The following DDX4 variants were observed in gnomAD, a reference collection of about 807,000 sequenced individuals.
The protein encoded by DDX4 is DEAD-box helicase 4.
A neutral mutation model predicts 100.0 loss-of-function variants in DDX4; 25 were observed. The ratio of observed to expected loss-of-function variants is 0.25; its 90% CI spans 0.18 to 0.35. DDX4 has a LOEUF of 0.35. Ranked by LOEUF, DDX4 falls within the 10% of genes least tolerant of loss-of-function variation. The probability of loss-of-function intolerance (pLI) is 1.00; values close to 1 mark genes in which losing one functional copy is unlikely to be tolerated. For missense variants in DDX4, 635 were observed against 882.4 expected, an observed-to-expected ratio of 0.72 and a Z score of 3.55; for synonymous variants, 259 against 275.7, an observed-to-expected ratio of 0.94 and a Z score of 0.60.
chr5:55,777,075 G>A (rs1047652944), intron 7 of DDX4, among the ~76,000 whole-genome samples: 2 of 152,294 alleles, frequency 1.3e-5, no homozygotes, highest in Middle Eastern at 3.4e-3. Flanking sequence ...AAATCCAATA[G>A]AAGGACAGAG....
chr5:55,792,386 A>G (rs1411157217), intron 16 of DDX4, among the ~76,000 whole-genome samples: 7 of 149,942 alleles, frequency 4.7e-5, no homozygotes, highest in Non-Finnish European at 7.4e-5. Flanking sequence ...TTTGAGACGG[A>G]GTCTCGCTAT....
chr5:55,792,535 A>ATT (rs11445701), intron 16 of DDX4, 106 bp from the exon 17 acceptor site: 902 of 462,078 alleles, frequency 2.0e-3, no homozygotes, highest in Middle Eastern at 3.7e-3. Context: ...AATTTTTTGT[A>ATT]TTTTTTTTTT....
chr5:55,767,773 G>A, intron 6 of DDX4, 108 bp from the exon 7 acceptor site: 2 of 712,030 alleles, frequency 2.8e-6, no homozygotes, highest in Non-Finnish European at 4.5e-6. Context: ...TTTAACTTAT[G>A]AAAATATTTT....
At chr5:55,797,678 T>TA (rs1280014199) in intron 17 of DDX4, among the ~76,000 whole-genome samples, 1 of 152,186 alleles carries the variant, frequency 6.6e-6, no homozygotes, top group Non-Finnish European at 1.5e-5. Context: ...CATTTATCCC[T>TA]AAAAACTCAT....
chr5:55,742,525 T>G (rs1222363762), intron 2 of DDX4, among the ~76,000 whole-genome samples: 1 of 152,152 alleles, frequency 6.6e-6, no homozygotes, highest in Non-Finnish European at 1.5e-5. Flanking sequence ...TATTACAAAA[T>G]TGAAAGTAAG....
chr5:55,766,116 CAT>C (rs1740911842), intron 6 of DDX4, among the ~76,000 whole-genome samples: 1 of 151,912 alleles, frequency 6.6e-6, no homozygotes, highest in South Asian at 2.1e-4. Flanking sequence ...TGCGCCAGGC[CAT>C]ATGTTATTTT....
At chr5:55,769,431 T>C (rs1351417706) in intron 7 of DDX4, among the ~76,000 whole-genome samples, 1 of 152,124 alleles carries the variant, frequency 6.6e-6, no homozygotes, top group Non-Finnish European at 1.5e-5. Context: ...GTTGTAGGTG[T>C]GTGGAATTCC....
At chr5:55,742,275 G>A (rs766427361) in intron 2 of DDX4, 18 of 454,430 alleles carry the variant, frequency 4.0e-5, no homozygotes, top group Non-Finnish European at 6.6e-5. Flanking sequence ...AGATAATTCC[G>A]TTGCTTACTT....
In DDX4 at chr5:55,785,862, A is replaced by G. The variant is rs1416721077; in HGVS notation, c.855A>G (p.Pro285=). 6.2e-7 allele frequency: 1 copy of G among 1,609,286 alleles called. No individual in the cohort carries two copies. Among genetic ancestry groups the G allele is most frequent in the Non-Finnish European group, 8.5e-7 (1 of 1,175,716 alleles). ...LVEVSGHDAP[P]AILTFEEANL... ...AAGTGTCTGGACATGATGCACCACC[A>G]GCAATTCTGGTCAGTGTATTAATTG... is the stretch of plus-strand genomic sequence containing the variant. The change falls in exon 13 of 22, where the codon CCA becomes CCG. Residue 285 remains proline, a synonymous_variant. Transcript: ENST00000505374.
At chr5:55,742,684 T>G (rs1176081761) in intron 2 of DDX4, among the ~76,000 whole-genome samples, 1 of 152,210 alleles carries the variant, frequency 6.6e-6, no homozygotes, top group Non-Finnish European at 1.5e-5. Flanking sequence ...CTAAGTATTT[T>G]AAGAGGTAAG....
chr5:55,759,212 C>G (rs1760139333), intron 3 of DDX4, among the ~76,000 whole-genome samples: 1 of 151,808 alleles, frequency 6.6e-6, no homozygotes, highest in Non-Finnish European at 1.5e-5. Flanking sequence ...GTGTGATTTA[C>G]TTTGTTTTTC....
At chr5:55,778,352 A>G (rs1741700021) in intron 7 of DDX4, among the ~76,000 whole-genome samples, 1 of 152,244 alleles carries the variant, frequency 6.6e-6, no homozygotes, top group Non-Finnish European at 1.5e-5. Context: ...GATAAAATGT[A>G]AAACTTGCTA....
intron 7 of DDX4, among the ~76,000 whole-genome samples, chr5:55,776,918 C>T (rs1327105593): frequency 6.6e-6 from 1 of 152,012 alleles, no homozygotes; most frequent in African/African-American, 2.4e-5. Context: ...TTTAGGGGTT[C>T]CAGAAACAAA....
chr5:55,765,413 A>ATAT (rs1554076987), intron 6 of DDX4, among the ~76,000 whole-genome samples: 2,353 of 82,546 alleles, frequency 0.029, 37 homozygotes, highest in African/African-American at 0.039. Flanking sequence ...AAAAAAAAAA[A>ATAT]ATATATATAT....
At chr5:55,773,906 G>A (rs1357762457) in intron 7 of DDX4, among the ~76,000 whole-genome samples, 5 of 152,108 alleles carry the variant, frequency 3.3e-5, no homozygotes, top group Non-Finnish European at 7.4e-5. Context: ...TTACAAGCAT[G>A]TGTGCCACAG....
In DDX4 at chr5:55,738,943, TGAATAGAAC is replaced by T; in HGVS notation, c.-14-6_-12del. ...CCAAATGTGCATTTTTTTTTTTTTA[TGAATAGAAC>T]TTGAAGCCACCATGGGAGATGAAGA... On this transcript the variant is annotated splice_acceptor_variant and splice_polypyrimidine_tract_variant and 5_prime_UTR_variant and intron_variant, in exon 2 of 22. Coordinates refer to ENST00000505374, the MANE Select transcript of DDX4 (RefSeq NM_024415.3). LOFTEE classifies it low-confidence loss of function (5UTR_SPLICE). 6.7e-7 allele frequency: 1 copy of T among 1,490,550 alleles called. No individual in the cohort carries two copies. The allele number at this position is 1,490,550 out of a possible 1,614,324, so 92.3% of individuals were successfully genotyped here.
intron 16 of DDX4, among the ~76,000 whole-genome samples, chr5:55,791,422 C>T (rs1325394273): frequency 5.3e-5 from 8 of 152,168 alleles, no homozygotes; most frequent in African/African-American, 1.9e-4. Context: ...ATCTACCTTA[C>T]TTTCTTGCTA....
chr5:55,747,469 C>T lies in DDX4; in HGVS notation c.127+1248C>T, dbSNP rs536240698. Among the ~76,000 whole-genome samples the T allele has an allele frequency of 3.9e-5, 6 of 152,284 alleles. No individual in the cohort carries two copies. In the South Asian group the frequency reaches 1.2e-3, roughly 32 times the overall value. On this transcript the variant is annotated intron_variant, in intron 3 of 21. Transcript: ENST00000505374. ...CTTGGCAGGTTGAGGATTGCTTGAGCCCAGGAGTTCAAGGCTACAGTGAAC... is the reference window on the plus strand; with the variant it reads ...CTTGGCAGGTTGAGGATTGCTTGAGTCCAGGAGTTCAAGGCTACAGTGAAC...
chr5:55,794,354 A>ATT lies in DDX4; in HGVS notation c.1469+1563_1469+1564dup, dbSNP rs1227796139. 3.9e-3 allele frequency among the ~76,000 whole-genome samples: 510 copies of ATT among 131,090 alleles called. 5 individuals carry two copies. Among genetic ancestry groups the ATT allele is most frequent in the African/African-American group, 0.014 (491 of 35,562 alleles). 86.0% of individuals were successfully genotyped at this position (131,090 alleles called of 152,430 possible). On this transcript the variant is annotated intron_variant, in intron 17 of 21. Coordinates refer to ENST00000505374, the MANE Select transcript of DDX4 (RefSeq NM_024415.3). ...AGGCGCCTGCCACCACGCCTGGTTAATTTTTTTTTTTTTTTTTGTATTTTT... is the reference window on the plus strand; with the variant it reads ...AGGCGCCTGCCACCACGCCTGGTTAATTTTTTTTTTTTTTTTTTTGTATTTTT...
Sources: gnomAD v4.1 joint callset for allele counts (sites outside exome capture counted in the v4.1 genomes callset) on GRCh38, gnomAD v4.1.1 for gene constraint, MANE v1.5 for transcripts, NCBI Gene and HGNC (gene_info 2026-07-23, HGNC 2026-07-21) for gene names.